SMUG1: variants seen among roughly 807,000 people sequenced by gnomAD.
SMUG1 encodes single-strand-selective monofunctional uracil-DNA glycosylase 1.
Under a neutral mutation model 23.9 loss-of-function variants are expected in SMUG1, and 13 were observed. The observed-to-expected ratio is 0.54, with a 90% CI of 0.35 to 0.86. The LOEUF is 0.86. SMUG1 is among the 40% of genes least tolerant of loss of function. The pLI is 0.01. For synonymous variants in SMUG1, 133 were observed against 139.8 expected, an observed-to-expected ratio of 0.95 and a Z score of 0.34; for missense variants, 313 against 339.5, an observed-to-expected ratio of 0.92 and a Z score of 0.61.
intron 3 of SMUG1, among the ~76,000 whole-genome samples, chr12:54,167,470 C>T (rs1056581203): frequency 2.0e-5 from 3 of 152,124 alleles, no homozygotes; most frequent in African/African-American, 4.8e-5. Flanking sequence ...ACAGACAGAC[C>T]GACAAGAAGG....
downstream of SMUG1, among the ~76,000 whole-genome samples, chr12:54,179,157 T>C (rs966919424): frequency 9.9e-5 from 15 of 152,224 alleles, no homozygotes; most frequent in African/African-American, 3.6e-4. Context: ...TTTTGAGGAT[T>C]TGGGACTCGG....
intron 2 of SMUG1, among the ~76,000 whole-genome samples, chr12:54,186,288 C>T (rs1942432456): frequency 6.6e-6 from 1 of 152,144 alleles, no homozygotes; most frequent in Admixed American, 6.5e-5. Context: ...CAACCCCACC[C>T]CCAACACAAG....
intron 3 of SMUG1, chr12:54,171,926 C>CT (rs1940630086): frequency 1.0e-4 from 38 of 379,378 alleles, no homozygotes; most frequent in South Asian, 7.2e-4. Context: ...TACGCTCTCA[C>CT]TAATCCCTTG....
intron 2 of SMUG1, among the ~76,000 whole-genome samples, chr12:54,173,415 A>AGGCGGGGAGTGGCGGGAAGC (rs1555198725): frequency 1.3e-5 from 2 of 152,168 alleles, no homozygotes; most frequent in African/African-American, 4.8e-5. Context: ...AAAAGTGTCG[A>AGGCGGGGAGTGGCGGGAAGC]GGCGGGGAGT....
intron 4 of SMUG1, among the ~76,000 whole-genome samples, chr12:54,159,600 T>A (rs1191367685): frequency 2.6e-5 from 4 of 152,188 alleles, no homozygotes; most frequent in African/African-American, 9.7e-5. Context: ...TATTCATTTT[T>A]AAAAGGAAAA....
intron 2 of SMUG1, among the ~76,000 whole-genome samples, chr12:54,185,183 C>G (rs1942046622): frequency 6.6e-6 from 1 of 152,134 alleles, no homozygotes; most frequent in South Asian, 2.1e-4. Context: ...TGGTACGTGC[C>G]TGTAATCCCG....
downstream of SMUG1, among the ~76,000 whole-genome samples, chr12:54,176,251 G>C (rs1051388214): frequency 6.6e-6 from 1 of 152,046 alleles, no homozygotes; most frequent in African/African-American, 2.4e-5. Context: ...TGGGCATGGT[G>C]CCTCATGCCT....
intron 1 of SMUG1, among the ~76,000 whole-genome samples, chr12:54,188,302 AATAATAATAATAAT>A (rs1565844910): frequency 1.2e-4 from 11 of 94,534 alleles, no homozygotes; most frequent in African/African-American, 4.9e-4. Context: ...AATAAATAAT[AATAATAATAATAAT>A]AATAATAATA....
chr12:54,174,734 C>T (rs1056320897), intron 2 of SMUG1, among the ~76,000 whole-genome samples: 8 of 152,234 alleles, frequency 5.3e-5, no homozygotes, highest in African/African-American at 1.4e-4. Flanking sequence ...GCCATCCCTC[C>T]TGCAAGCCAG....
intron 3 of SMUG1, among the ~76,000 whole-genome samples, chr12:54,169,997 G>A (rs767469453): frequency 3.9e-5 from 6 of 152,096 alleles, no homozygotes; most frequent in Non-Finnish European, 7.4e-5. Context: ...TCGGTAGTTC[G>A]AGACCAGCCT....
rs3136394 is a variant in SMUG1, at chr12:54,181,625, T to G, written c.*471A>C. ...CATAAGAAGTTCACTCTTAATTTCATGTCCCATGCTTTGTCTTGGTCCCTG... is the reference window on the plus strand; with the variant it reads ...CATAAGAAGTTCACTCTTAATTTCAGGTCCCATGCTTTGTCTTGGTCCCTG... On this transcript the variant is annotated 3_prime_UTR_variant, in exon 4 of 4. Coordinates refer to ENST00000682136, the MANE Select transcript of SMUG1 (RefSeq NM_001243787.2). The G allele has an allele frequency of 2.8e-5, 45 of 1,587,044 alleles. No homozygotes were observed. The Admixed American group carries it at 7.5e-4, about 27-fold the overall frequency.
At chr12:54,177,708 T>C (rs1212250956), downstream of SMUG1, among the ~76,000 whole-genome samples, 1 of 151,376 alleles carries the variant, frequency 6.6e-6, no homozygotes, top group African/African-American at 2.4e-5. Context: ...TCATTTGCAC[T>C]GAAGAAACTG....
In SMUG1 at chr12:54,187,912, G is replaced by C; in HGVS notation, c.-103-10C>G. ...TCTGTAAGCTCATAATCTGCTGTGA[G>C]GGCAAATAAACAACTAACTGTAATA... On this transcript the variant is annotated splice_polypyrimidine_tract_variant and intron_variant, in intron 1 of 3. Coordinates refer to ENST00000682136, the MANE Select transcript of SMUG1 (RefSeq NM_001243787.2). The C allele has an allele frequency of 6.6e-6, 1 of 152,022 alleles. No individual in the cohort carries two copies. The highest frequency in any genetic ancestry group is 1.9e-4 in the East Asian group (1 of 5,186). The allele number at this position is 152,022 out of a possible 1,614,324, so 9.4% of individuals were successfully genotyped here.
chr12:54,183,686 G>A lies in SMUG1; in HGVS notation c.255C>T (p.Asn85=), dbSNP rs950386834. 1.9e-6 allele frequency: 3 copies of A among 1,613,852 alleles called. No homozygotes were observed. Among genetic ancestry groups the A allele is most frequent in the Non-Finnish European group, 1.7e-6 (2 of 1,179,966 alleles). ...GPKEVLFLGM[N]PGPFGMAQTG... is the part of the protein sequence containing the mutation. Reference sequence around the variant, plus strand: ...TCTGGGCCATGCCAAAAGGTCCAGGGTTCATGCCCAGGAAGAGTACTTCCT... The same window carrying A: ...TCTGGGCCATGCCAAAAGGTCCAGGATTCATGCCCAGGAAGAGTACTTCCT... Residue 85 remains asparagine (N), a synonymous_variant, in exon 3 of 4, where the codon AAC becomes AAT. Coordinates refer to ENST00000682136, the MANE Select transcript of SMUG1 (RefSeq NM_001243787.2).
At chr12:54,174,149 C>T (rs1174834495) in intron 2 of SMUG1, among the ~76,000 whole-genome samples, 1 of 152,154 alleles carries the variant, frequency 6.6e-6, no homozygotes, top group Non-Finnish European at 1.5e-5. Flanking sequence ...ACAGGGGACA[C>T]ACAGACCTTC....
At chr12:54,160,192 G>GAAAA (rs1462930207), downstream of SMUG1, among the ~76,000 whole-genome samples, 1 of 152,230 alleles carries the variant, frequency 6.6e-6, no homozygotes, top group Non-Finnish European at 1.5e-5. Context: ...AGAGAAAAGA[G>GAAAA]GAGGGGTGGC....
downstream of SMUG1, among the ~76,000 whole-genome samples, chr12:54,176,458 C>T: frequency 7.1e-6 from 1 of 141,280 alleles, no homozygotes; most frequent in African/African-American, 2.7e-5. Context: ...CTGCAGTGAG[C>T]CATGATCATG....
intron 3 of SMUG1, among the ~76,000 whole-genome samples, chr12:54,165,830 C>A (rs1284195925): frequency 1.3e-5 from 2 of 152,144 alleles, no homozygotes; most frequent in Admixed American, 6.5e-5. Flanking sequence ...AAAACTTAGC[C>A]CTCAGCTTCC....
chr12:54,167,882 A>G (rs1346488620), intron 3 of SMUG1, among the ~76,000 whole-genome samples: 1 of 152,150 alleles, frequency 6.6e-6, no homozygotes, highest in Non-Finnish European at 1.5e-5. Context: ...TCTTTTATTC[A>G]TGCAAGATGT....
Sources: gnomAD v4.1 joint callset for allele counts (sites outside exome capture counted in the v4.1 genomes callset) on GRCh38, gnomAD v4.1.1 for gene constraint, MANE v1.5 for transcripts, NCBI Gene and HGNC (gene_info 2026-07-23, HGNC 2026-07-21) for gene names.